CHD6: variants seen among roughly 807,000 people sequenced by gnomAD.
CHD6 encodes ATP-dependent chromatin remodeler CHD6.
In CHD6, 50 loss-of-function variants were observed where a neutral mutation model predicts 276.9. The ratio of observed to expected loss-of-function variants is 0.18; its 90% CI spans 0.14 to 0.23. The LOEUF is 0.23. Ranked by LOEUF, CHD6 falls within the 10% of genes least tolerant of loss-of-function variation. The pLI, the probability that CHD6 is intolerant of heterozygous loss-of-function variation, is 1.00. For missense variants in CHD6, 2,564 were observed against 3,365.8 expected (o/e 0.76, Z 5.89); for synonymous variants, 1,173 against 1,229.3 (o/e 0.95, Z 0.96).
intron 2 of CHD6, among the ~76,000 whole-genome samples, chr20:41,538,458 C>A (rs1354659467): frequency 6.6e-6 from 1 of 152,116 alleles, no homozygotes; most frequent in African/African-American, 2.4e-5. Context: ...ACACAAAAGG[C>A]CACATATTGT....
At chr20:41,566,410 G>T (rs73613208) in intron 1 of CHD6, among the ~76,000 whole-genome samples, 3,404 of 152,258 alleles carry the variant, frequency 0.022, 44 homozygotes, top group South Asian at 0.04. Context: ...ACAATGGTTT[G>T]TGTGGTGTAA....
intron 1 of CHD6, among the ~76,000 whole-genome samples, chr20:41,587,530 C>A (rs966117476): frequency 6.6e-6 from 1 of 152,130 alleles, no homozygotes; most frequent in African/African-American, 2.4e-5. Context: ...AGAGTTCACA[C>A]CATAAGGTTA....
chr20:41,487,144 GAACTGGACCTTGAA>G (rs1034783197), intron 14 of CHD6, among the ~76,000 whole-genome samples: 29 of 152,288 alleles, frequency 1.9e-4, no homozygotes, highest in African/African-American at 6.7e-4. Flanking sequence ...GGTAGACTTG[GAACTGGACCTTGAA>G]AACTGCAGAA....
At chr20:41,476,693 T>C (rs1268411927) in intron 16 of CHD6, among the ~76,000 whole-genome samples, 1 of 151,914 alleles carries the variant, frequency 6.6e-6, no homozygotes, top group African/African-American at 2.4e-5. Context: ...GCAAACACTT[T>C]ACAAATATTT....
chr20:41,440,835 A>T (rs1483483318), intron 25 of CHD6, among the ~76,000 whole-genome samples: 1 of 152,252 alleles, frequency 6.6e-6, no homozygotes, highest in Non-Finnish European at 1.5e-5. Flanking sequence ...TTGGCCACAT[A>T]AAAGGCAGAG....
intron 17 of CHD6, among the ~76,000 whole-genome samples, chr20:41,465,722 AAC>A (rs1454452965): frequency 6.6e-6 from 1 of 152,244 alleles, no homozygotes. Flanking sequence ...AAGCTGGGTG[AAC>A]TGTACATTGG....
intron 3 of CHD6, among the ~76,000 whole-genome samples, chr20:41,522,523 G>A (rs1243454577): frequency 6.6e-6 from 1 of 152,064 alleles, no homozygotes; most frequent in Non-Finnish European, 1.5e-5. Flanking sequence ...ATAAGGGAAC[G>A]AAAAGAATAA....
intron 2 of CHD6, among the ~76,000 whole-genome samples, chr20:41,541,631 G>C (rs2044943869): frequency 6.6e-6 from 1 of 152,158 alleles, no homozygotes; most frequent in South Asian, 2.1e-4. Flanking sequence ...AAGTGAAGTT[G>C]GTGGGAAAAA....
At chr20:41,501,809 G>A (rs2043836559) in intron 5 of CHD6, among the ~76,000 whole-genome samples, 1 of 152,164 alleles carries the variant, frequency 6.6e-6, no homozygotes, top group African/African-American at 2.4e-5. Context: ...AGTTCTGGGT[G>A]ACTTGATAAT....
chr20:41,588,761 T>A (rs1024988880), intron 1 of CHD6, among the ~76,000 whole-genome samples: 1 of 152,200 alleles, frequency 6.6e-6, no homozygotes, highest in Non-Finnish European at 1.5e-5. Flanking sequence ...CATGCTACTC[T>A]AGCTCCCACT....
chr20:41,450,490 C>T (rs1028581990), intron 23 of CHD6, among the ~76,000 whole-genome samples: 4 of 151,820 alleles, frequency 2.6e-5, no homozygotes, highest in African/African-American at 7.3e-5. Flanking sequence ...CCATCCCACC[C>T]GACCCCAGCT....
chr20:41,519,069 C>T (rs2044321066), intron 3 of CHD6, among the ~76,000 whole-genome samples: 3 of 152,224 alleles, frequency 2.0e-5, no homozygotes, highest in Middle Eastern at 3.4e-3. Context: ...ACTGCTTGAG[C>T]TCAGGAGTTC....
At position 41,420,690 on chromosome 20, in the gene CHD6, G is replaced by C. The variant is rs767878658; in HGVS notation, c.5945C>G (p.Thr1982Ser). The change falls in exon 31 of 37, where the codon ACT becomes AGT. Residue 1982 changes from threonine (T) to serine (S), a missense_variant. This residue lies in a region of CHD6 where 1,024 missense variants were observed against 1,047.9 expected (regional missense o/e 0.98). Transcript: ENST00000373233. ...TTTAAACGGCTGTGATGGAATAGCA[G>C]TGGGTTCACCCTCCATGGCGATAGT... is the stretch of plus-strand genomic sequence containing the variant. ...TNTIAMEGEP[T>S]AIPSQPFKVK... The C allele has an allele frequency of 6.2e-7, 1 of 1,614,114 alleles. No individual in the cohort carries two copies. Among genetic ancestry groups the C allele is most frequent in the Non-Finnish European group, 8.5e-7 (1 of 1,180,040 alleles).
At chr20:41,406,135 G>T (rs538034513) in intron 36 of CHD6, among the ~76,000 whole-genome samples, 1 of 152,180 alleles carries the variant, frequency 6.6e-6, no homozygotes, top group Non-Finnish European at 1.5e-5. Context: ...TTTATTGTGT[G>T]TATGCCCCAC....
intron 1 of CHD6, among the ~76,000 whole-genome samples, chr20:41,587,714 T>C (rs916186345): frequency 6.6e-6 from 1 of 152,086 alleles, no homozygotes; most frequent in African/African-American, 2.4e-5. Flanking sequence ...AAGGATAGCC[T>C]CCTATTAATA....
chr20:41,441,649 T>C (rs2047906171), intron 25 of CHD6, among the ~76,000 whole-genome samples: 1 of 152,220 alleles, frequency 6.6e-6, no homozygotes, highest in Non-Finnish European at 1.5e-5. Flanking sequence ...TCTTGTCATG[T>C]GTGGATCTGA....
chr20:41,483,281 G>T, intron 16 of CHD6, 28 bp downstream of exon 16: 1 of 1,567,724 alleles, frequency 6.4e-7, no homozygotes, highest in Non-Finnish European at 8.6e-7. Flanking sequence ...TCCCATTGTT[G>T]AATGCAGAGC....
chr20:41,426,031 T>C, intron 28 of CHD6, 62 bp downstream of exon 28: 1 of 1,199,732 alleles, frequency 8.3e-7, no homozygotes, highest in Non-Finnish European at 1.2e-6. Context: ...ACATATAAAC[T>C]CCACGATAAC....
At position 41,499,291 on chromosome 20, in the gene CHD6, C is replaced by T. The variant is rs995684235; in HGVS notation, c.915+4G>A. On this transcript the variant is annotated splice_donor_region_variant and intron_variant, in intron 6 of 36. Coordinates refer to ENST00000373233, the MANE Select transcript of CHD6 (RefSeq NM_032221.5). The stretch of plus-strand genomic sequence containing the variant: ...TATAAAAGCTAGAAACATGAGCCAC[C>T]AACCTCCTGGACAGTCTTAGATGCC... The T allele has an allele frequency of 6.2e-7, 1 of 1,602,454 alleles. No homozygotes were observed. The highest frequency in any genetic ancestry group is 1.3e-5 in the African/African-American group (1 of 74,452).
Sources: gnomAD v4.1 joint callset for allele counts (sites outside exome capture counted in the v4.1 genomes callset) on GRCh38, gnomAD v4.1.1 for gene constraint, gnomAD v4.1.1 regional missense constraint, MANE v1.5 for transcripts, NCBI Gene and HGNC (gene_info 2026-07-23, HGNC 2026-07-21) for gene names.